The following LPP variants were observed in gnomAD, a reference collection of about 807,000 sequenced individuals.
LPP encodes the protein LIM domain containing preferred translocation partner in lipoma, also known as lipoma-preferred partner.
LPP carries 38 observed loss-of-function variants against 60.4 expected under a neutral mutation model. The observed-to-expected ratio is 0.63, with a 90% confidence interval of 0.49 to 0.83. The LOEUF (loss-of-function observed/expected upper bound fraction) is 0.83, where lower values mean the gene tolerates loss of function less well. LPP is among the 40% of genes least tolerant of loss of function. The pLI is 0.00. For synonymous variants in LPP, 328 were observed against 290.8 expected (o/e 1.13, Z -1.30); for missense variants, 902 against 783.6 (o/e 1.15, Z -1.80).
At chr3:188,755,829 A>C (rs1324825413) in intron 8 of LPP, among the ~76,000 whole-genome samples, 12 of 9,342 alleles carry the variant, frequency 1.3e-3, no homozygotes, top group South Asian at 0.014. Context: ...AAAAAAAAAA[A>C]AAAAAAAAAA....
intron 7 of LPP, among the ~76,000 whole-genome samples, chr3:188,673,328 T>TA (rs67440944): frequency 2.0e-5 from 3 of 151,942 alleles, no homozygotes; most frequent in Non-Finnish European, 2.9e-5. Context: ...TGGAAACAAA[T>TA]AACAACAACA....
In LPP at chr3:188,597,145, T is replaced by C. The variant is rs139904866; in HGVS notation, c.430-12016T>C. Among the ~76,000 whole-genome samples, 295 of 152,294 alleles carry C rather than the reference T, an allele frequency of 1.9e-3. 1 individual carries two copies. Among genetic ancestry groups the C allele is most frequent in the Non-Finnish European group, 3.5e-3 (237 of 68,014 alleles). On this transcript the variant is annotated intron_variant, in intron 6 of 11. Coordinates refer to ENST00000617246, the MANE Select transcript of LPP (RefSeq NM_001375462.1). ...CCTGACCCTCTGAAGACCTTCTCAC[T>C]TTGGGCAAATCTTTCCTGAGCCTTG...
At chr3:188,577,149 G>A (rs1488302029) in intron 6 of LPP, among the ~76,000 whole-genome samples, 5 of 152,130 alleles carry the variant, frequency 3.3e-5, no homozygotes, top group Non-Finnish European at 5.9e-5. Flanking sequence ...GGCTTTTTCT[G>A]CCTCACACTT....
At chr3:188,825,721 A>G (rs1021059224) in intron 9 of LPP, among the ~76,000 whole-genome samples, 4 of 151,958 alleles carry the variant, frequency 2.6e-5, no homozygotes, top group East Asian at 1.9e-4. Flanking sequence ...AGAAAAAGAC[A>G]TACACACACA....
chr3:188,520,473 A>G (rs1818569354), intron 5 of LPP, among the ~76,000 whole-genome samples: 1 of 152,202 alleles, frequency 6.6e-6, no homozygotes. Flanking sequence ...GTATAGGGGA[A>G]AATGCCCCCG....
At chr3:188,745,315 GC>G (rs2150232033) in intron 8 of LPP, among the ~76,000 whole-genome samples, 1 of 152,186 alleles carries the variant, frequency 6.6e-6, no homozygotes, top group Admixed American at 6.5e-5. Context: ...TAATGTTTAT[GC>G]CCTACATTAT....
intron 4 of LPP, among the ~76,000 whole-genome samples, chr3:188,438,184 A>G (rs778010758): frequency 6.6e-6 from 1 of 152,156 alleles, no homozygotes; most frequent in Non-Finnish European, 1.5e-5. Context: ...TAACTGACCA[A>G]ACAGACAGGT....
chr3:188,178,390 T>C (rs1723734528), intron 1 of LPP, among the ~76,000 whole-genome samples: 1 of 152,228 alleles, frequency 6.6e-6, no homozygotes, highest in Non-Finnish European at 1.5e-5. Flanking sequence ...TTTTTTTCTG[T>C]TGCCCAGGGA....
intron 5 of LPP, among the ~76,000 whole-genome samples, chr3:188,485,406 T>C (rs56725108): frequency 0.03 from 4,561 of 152,260 alleles, 232 homozygotes; most frequent in African/African-American, 0.1. Context: ...GATAGAATTA[T>C]TGTTATAGTT....
chr3:188,441,856 C>T (rs1337235925), intron 4 of LPP, among the ~76,000 whole-genome samples: 1 of 151,946 alleles, frequency 6.6e-6, no homozygotes, highest in Non-Finnish European at 1.5e-5. Context: ...CATCTCCTGA[C>T]CTCATGATCC....
chr3:188,258,508 A>G (rs1457816903), intron 2 of LPP, among the ~76,000 whole-genome samples: 1 of 152,134 alleles, frequency 6.6e-6, no homozygotes, highest in Non-Finnish European at 1.5e-5. Context: ...TTTTGTAGAG[A>G]CAGGGTTTCA....
intron 1 of LPP, chr3:188,208,445 T>C (rs1029458531): frequency 2.0e-5 from 3 of 152,238 alleles, no homozygotes; most frequent in African/African-American, 7.2e-5. Flanking sequence ...AGCTTTTTGG[T>C]ATCTGCAGCT....
intron 2 of LPP, among the ~76,000 whole-genome samples, chr3:188,293,311 GC>G (rs767975734): frequency 3.3e-5 from 5 of 152,212 alleles, no homozygotes; most frequent in African/African-American, 7.2e-5. Flanking sequence ...AAGCCTGCCC[GC>G]CTGGGGCTCT....
At chr3:188,379,298 G>A (rs964124415) in intron 3 of LPP, among the ~76,000 whole-genome samples, 7 of 152,094 alleles carry the variant, frequency 4.6e-5, no homozygotes, top group African/African-American at 1.7e-4. Flanking sequence ...GAGGGGGCTT[G>A]GTGGAAGTAG....
At chr3:188,548,814 T>C (rs1827321984) in intron 6 of LPP, among the ~76,000 whole-genome samples, 1 of 152,152 alleles carries the variant, frequency 6.6e-6, no homozygotes, top group Admixed American at 6.6e-5. Flanking sequence ...TTGCAGATCC[T>C]TTATAAAATG....
At chr3:188,262,053 G>A (rs887027392) in intron 2 of LPP, among the ~76,000 whole-genome samples, 4 of 152,204 alleles carry the variant, frequency 2.6e-5, no homozygotes, top group African/African-American at 7.2e-5. Context: ...GGCAGGCACT[G>A]TGCTACATGC....
chr3:188,815,021 C>A (rs10937369), intron 9 of LPP, among the ~76,000 whole-genome samples: 46,704 of 151,986 alleles, frequency 0.31, 8,591 homozygotes, highest in East Asian at 0.84. Context: ...AAACACGTCA[C>A]ACAGTCAATT....
intron 4 of LPP, among the ~76,000 whole-genome samples, chr3:188,462,159 G>T (rs951312289): frequency 6.6e-6 from 1 of 152,008 alleles, no homozygotes; most frequent in Non-Finnish European, 1.5e-5. Flanking sequence ...TTTGGTACAT[G>T]TAGTCAGTCA....
intron 2 of LPP, among the ~76,000 whole-genome samples, chr3:188,281,942 A>G (rs1364789274): frequency 6.6e-6 from 1 of 152,136 alleles, no homozygotes; most frequent in Non-Finnish European, 1.5e-5. Flanking sequence ...GTATATAATC[A>G]TTCTTATAGG....
Sources: gnomAD v4.1 joint callset for allele counts (sites outside exome capture counted in the v4.1 genomes callset) on GRCh38, gnomAD v4.1.1 for gene constraint, MANE v1.5 for transcripts, NCBI Gene and HGNC (gene_info 2026-07-23, HGNC 2026-07-21) for gene names.